Variants in PCBP3 observed in about 807,000 individuals in gnomAD.
PCBP3 encodes poly(rC) binding protein 3.
In PCBP3, 25 loss-of-function variants were observed where a neutral mutation model predicts 52.7. That is an observed-to-expected ratio of 0.47 (90% CI 0.35 to 0.66). The LOEUF (loss-of-function observed/expected upper bound fraction) is 0.66. Ranked by LOEUF, PCBP3 falls within the 30% of genes least tolerant of loss-of-function variation. The pLI is 0.01. For synonymous variants in PCBP3, 162 were observed against 183.0 expected, an observed-to-expected ratio of 0.89 and a Z score of 0.93; for missense variants, 391 against 490.3, an observed-to-expected ratio of 0.80 and a Z score of 1.91.
At chr21:45,923,819 A>G (rs547589944) in intron 13 of PCBP3, among the ~76,000 whole-genome samples, 85 of 132,526 alleles carry the variant, frequency 6.4e-4, no homozygotes, top group African/African-American at 1.0e-3. Context: ...TCGGGTGTGC[A>G]CGAGGAGATG....
intron 4 of PCBP3, among the ~76,000 whole-genome samples, chr21:45,796,519 G>A (rs942851407): frequency 2.6e-5 from 4 of 151,908 alleles, no homozygotes; most frequent in Non-Finnish European, 5.9e-5. Context: ...ATTTTTTAAA[G>A]TTTCCATTTT....
At chr21:45,866,732 C>T (rs2094741651) in intron 5 of PCBP3, among the ~76,000 whole-genome samples, 2 of 152,100 alleles carry the variant, frequency 1.3e-5, no homozygotes, top group African/African-American at 4.8e-5. Context: ...TGTTCAGAAG[C>T]CAGCTCCTCA....
At chr21:45,739,574 T>C (rs2086235034) in intron 3 of PCBP3, among the ~76,000 whole-genome samples, 1 of 119,792 alleles carries the variant, frequency 8.3e-6, no homozygotes, top group Non-Finnish European at 1.7e-5. Context: ...TCCTGTCCAT[T>C]GTCCTCTGGG....
intron 4 of PCBP3, among the ~76,000 whole-genome samples, chr21:45,793,691 C>T (rs1182223816): frequency 6.6e-6 from 1 of 152,110 alleles, no homozygotes; most frequent in Admixed American, 6.5e-5. Flanking sequence ...AGACGGGAGG[C>T]GATAGCCCCT....
intron 2 of PCBP3, among the ~76,000 whole-genome samples, chr21:45,718,189 T>C (rs2084357042): frequency 6.6e-6 from 1 of 151,912 alleles, no homozygotes; most frequent in Non-Finnish European, 1.5e-5. Flanking sequence ...CTAATTTTAA[T>C]AATTTGAGTC....
At chr21:45,743,682 C>T (rs2086615882) in intron 3 of PCBP3, among the ~76,000 whole-genome samples, 1 of 151,966 alleles carries the variant, frequency 6.6e-6, no homozygotes, top group African/African-American at 2.4e-5. Flanking sequence ...CGTTAGTGTT[C>T]GAGTTATTGT....
intron 4 of PCBP3, chr21:45,760,261 C>G (rs979639190): frequency 6.6e-6 from 1 of 152,290 alleles, no homozygotes; most frequent in East Asian, 1.9e-4. Context: ...ACCACAGCCT[C>G]GAACTCCTGG....
chr21:45,744,246 C>T (rs1211182314), intron 3 of PCBP3: 1 of 152,078 alleles, frequency 6.6e-6, no homozygotes, highest in Non-Finnish European at 1.5e-5. Context: ...GAGCCACACT[C>T]TGTTGGATGT....
rs571285954 is a variant in PCBP3, at chr21:45,724,452, G to T, written c.-199-10940G>T. 2.8e-4 allele frequency among the ~76,000 whole-genome samples: 43 copies of T among 152,256 alleles called. No homozygotes were observed. The highest frequency in any genetic ancestry group is 4.9e-4 in the Non-Finnish European group (33 of 68,020). ...TTGTTCATCCTCTCCCAACGGGGCA[G>T]CCCCAGAAGCCAACACTGCATGTTG... is the stretch of plus-strand genomic sequence containing the variant. On this transcript the variant is annotated intron_variant, in intron 2 of 17. Coordinates refer to ENST00000681687, the MANE Select transcript of PCBP3 (RefSeq NM_001384156.1). This position sits in a 1 kb window ranked among gnomAD's most constrained non-coding sequence, Gnocchi z 5.3.
In PCBP3 at chr21:45,941,703, G is replaced by A. The variant is rs1346086196; in HGVS notation, c.1113G>A (p.Leu371=). The A allele has an allele frequency of 3.7e-6, 6 of 1,605,594 alleles. No homozygotes were observed. Among genetic ancestry groups the A allele is most frequent in the Non-Finnish European group, 5.1e-6 (6 of 1,176,096 alleles). ...CCGAGGTCACCGGGATGGGCACGCT[G>A]TAATCCTACCCAGCACCCTTCCCCC... The part of the protein sequence containing the change: ...LTSEVTGMGT[L] Residue 371 remains leucine (L), a synonymous_variant, in exon 18 of 18, where the codon CTG becomes CTA. Coordinates refer to ENST00000681687, the MANE Select transcript of PCBP3 (RefSeq NM_001384156.1).
At chr21:45,816,107 GGTGAGTGGTGA>G (rs1286717460) in intron 4 of PCBP3, among the ~76,000 whole-genome samples, 3 of 148,704 alleles carry the variant, frequency 2.0e-5, no homozygotes, top group Middle Eastern at 3.5e-3. Flanking sequence ...GTGAGTGAGT[GGTGAGTGGTGA>G]GTGAGTGGTG....
Position 45,853,097 on chromosome 21 carries a change from C to G in PCBP3, c.10+3002C>G, listed in dbSNP as rs1252161110. On this transcript the variant is annotated intron_variant, in intron 5 of 17. Coordinates refer to ENST00000681687, the MANE Select transcript of PCBP3 (RefSeq NM_001384156.1). The surrounding 1 kb of genome is among the most constrained non-coding windows in gnomAD (Gnocchi z 4.6). ...GCAGATGCGGAAAGTGCACATGCCG[C>G]TGGCCAGAGGGGGTGGGCTGGCATG... Among the ~76,000 whole-genome samples, 1 of 152,132 alleles carries G rather than the reference C, an allele frequency of 6.6e-6. No homozygotes were observed. The highest frequency in any genetic ancestry group is 1.5e-5 in the Non-Finnish European group (1 of 68,006).
At chr21:45,906,190 C>T (rs2096199442) in intron 9 of PCBP3, among the ~76,000 whole-genome samples, 2 of 152,294 alleles carry the variant, frequency 1.3e-5, no homozygotes, top group Middle Eastern at 3.4e-3. Context: ...GGAGGGGCAG[C>T]GTGAACACCC....
intron 9 of PCBP3, among the ~76,000 whole-genome samples, chr21:45,902,437 C>T (rs2096082850): frequency 6.6e-6 from 1 of 152,214 alleles, no homozygotes; most frequent in African/African-American, 2.4e-5. Flanking sequence ...TCAGGAAAGG[C>T]TAGAGAGCCA....
chr21:45,675,688 G>A (rs1019753919), intron 2 of PCBP3, among the ~76,000 whole-genome samples: 3 of 151,958 alleles, frequency 2.0e-5, no homozygotes, highest in Non-Finnish European at 4.4e-5. Context: ...GTGATTTGTG[G>A]AGTCTCGGGC....
intron 3 of PCBP3, among the ~76,000 whole-genome samples, chr21:45,747,810 C>T (rs549998434): frequency 6.2e-4 from 94 of 152,342 alleles, no homozygotes; most frequent in South Asian, 4.3e-3. Flanking sequence ...GGTCTCATGG[C>T]ACTGGTGTCC....
At chr21:45,874,008 C>A (rs2095146019) in intron 5 of PCBP3, among the ~76,000 whole-genome samples, 1 of 152,046 alleles carries the variant, frequency 6.6e-6, no homozygotes, top group Non-Finnish European at 1.5e-5. Context: ...CCTCAGCCTG[C>A]CTAAGTGCTG....
chr21:45,885,602 G>A (rs910879647), intron 5 of PCBP3, among the ~76,000 whole-genome samples: 1 of 152,042 alleles, frequency 6.6e-6, no homozygotes, highest in African/African-American at 2.4e-5. Flanking sequence ...CTCTTGTTGG[G>A]ACGGGGTACT....
intron 2 of PCBP3, among the ~76,000 whole-genome samples, chr21:45,721,864 C>T (rs1025608469): frequency 1.3e-5 from 2 of 151,792 alleles, no homozygotes; most frequent in African/African-American, 4.8e-5. Flanking sequence ...AGAATTTTGG[C>T]AAGAAATCAC....
Sources: allele counts gnomAD v4.1 joint callset (sites outside exome capture counted in the v4.1 genomes callset), GRCh38; gene constraint gnomAD v4.1.1; non-coding constraint Gnocchi (gnomAD v3.1); transcripts MANE v1.5; gene names NCBI Gene and HGNC (gene_info 2026-07-23, HGNC 2026-07-21).